ZDHHC15: variants seen among roughly 807,000 people sequenced by gnomAD.
ZDHHC15 encodes palmitoyltransferase ZDHHC15.
In ZDHHC15, 19 loss-of-function variants were observed where a neutral mutation model predicts 31.7. The observed-to-expected ratio is 0.60, with a 90% CI of 0.42 to 0.88. ZDHHC15 has a LOEUF of 0.88. ZDHHC15 is among the 40% of genes least tolerant of loss of function. ZDHHC15 has a pLI of 0.00. For synonymous variants in ZDHHC15, 103 were observed against 90.0 expected, an observed-to-expected ratio of 1.14 and a Z score of -0.82; for missense variants, 209 against 251.2, an observed-to-expected ratio of 0.83 and a Z score of 1.14.
At chrX:75,391,940 CAT>C (rs2083248315) in intron 10 of ZDHHC15, among the ~76,000 whole-genome samples, 1 of 111,562 alleles carries the variant, frequency 9.0e-6, no homozygotes, top group Admixed American at 9.5e-5. Flanking sequence ...TACAAATAGA[CAT>C]AAAAAAATTA....
rs2084567188 is a variant in ZDHHC15, at chrX:75,474,579, C to CTCTTTATATATATATATAATCCCCTTT, written c.258+4311_258+4312insAAAGGGGATTATATATATATATAAAGA. On this transcript the variant is annotated intron_variant, in intron 3 of 11. Coordinates refer to ENST00000373367, the MANE Select transcript of ZDHHC15 (RefSeq NM_144969.3). ...ATATATATAATCCCCTTTATACACA[C>CTCTTTATATATATATATAATCCCCTTT]ACACACACACACACACACACACACA... 5.0e-4 allele frequency among the ~76,000 whole-genome samples: 4 copies of CTCTTTATATATATATATAATCCCCTTT among 8,009 alleles called. No homozygotes were observed. The Non-Finnish European group carries it at 6.0e-3, about 12-fold the overall frequency. The allele number at this position is 8,009 out of a possible 115,157, so 7.0% of individuals were successfully genotyped here.
chrX:75,384,223 A>G, intron 10 of ZDHHC15: 2 of 463,326 alleles, frequency 4.3e-6, no homozygotes, highest in South Asian at 6.3e-5. Flanking sequence ...TCAAAAGTAT[A>G]CAACTCATGT....
At chrX:75,438,852 A>G (rs1182730857) in intron 4 of ZDHHC15, among the ~76,000 whole-genome samples, 1 of 112,132 alleles carries the variant, frequency 8.9e-6, no homozygotes, top group Non-Finnish European at 1.9e-5. Context: ...CTGCCTTGGT[A>G]ATGGTAAATT....
intron 1 of ZDHHC15, among the ~76,000 whole-genome samples, chrX:75,508,464 A>G (rs1241082431): frequency 9.2e-6 from 1 of 108,476 alleles, no homozygotes; most frequent in Non-Finnish European, 1.9e-5. Flanking sequence ...ATGTCCCTAC[A>G]AAGGACATGA....
At chrX:75,440,253 G>A (rs1303816476) in intron 4 of ZDHHC15, among the ~76,000 whole-genome samples, 1 of 96,587 alleles carries the variant, frequency 1.0e-5, no homozygotes, top group South Asian at 5.5e-4. Flanking sequence ...CTTGGAGCAG[G>A]GTTGTTCTTT....
chrX:75,379,655 T>C (rs1416387798), intron 10 of ZDHHC15, among the ~76,000 whole-genome samples: 1 of 112,262 alleles, frequency 8.9e-6, no homozygotes, highest in Non-Finnish European at 1.9e-5. Context: ...AGCAACATCA[T>C]TTATGGTACA....
Position 75,369,557 on chromosome X carries a change from G to A in ZDHHC15, c.*3421C>T, listed in dbSNP as rs1207178724. ...CAATGTCTATACTTTGTGCAATTTG[G>A]TATAAACATGGAGTGCATTCTTTAC... On this transcript the variant is annotated 3_prime_UTR_variant, in exon 12 of 12. Coordinates refer to ENST00000373367, the MANE Select transcript of ZDHHC15 (RefSeq NM_144969.3). 1 of 111,640 alleles carries A rather than the reference G, an allele frequency of 9.0e-6. No individual in the cohort carries two copies. The highest frequency in any genetic ancestry group is 3.3e-5 in the African/African-American group (1 of 30,657). 9.2% of individuals were successfully genotyped at this position (111,640 alleles called of 1,213,427 possible). A position where few individuals can be genotyped will look rare whatever the true frequency, so the allele number is the denominator to read the frequency against.
At chrX:75,454,144 C>T (rs1351575029) in intron 3 of ZDHHC15, among the ~76,000 whole-genome samples, 1 of 111,722 alleles carries the variant, frequency 9.0e-6, no homozygotes, top group Admixed American at 9.5e-5. Context: ...AAAACCCCAT[C>T]GTCTCAGCCC....
At chrX:75,374,291 G>C (rs1225461448) in intron 11 of ZDHHC15, among the ~76,000 whole-genome samples, 3 of 109,569 alleles carry the variant, frequency 2.7e-5, no homozygotes, top group Admixed American at 9.8e-5. Flanking sequence ...GATATACCAC[G>C]GGTTGATGGG....
In ZDHHC15 at chrX:75,407,636, G is replaced by A. The variant is rs757241508; in HGVS notation, c.967+9451C>T. Among the ~76,000 whole-genome samples, 402 of 106,747 alleles carry A rather than the reference G, an allele frequency of 3.8e-3. 3 individuals carry two copies. The highest frequency in any genetic ancestry group is 0.013 in the African/African-American group (382 of 29,260). The allele number at this position is 106,747 out of a possible 115,157, so 92.7% of individuals were successfully genotyped here. ...GCAGCCGCCCCGTCTGGGAGGTGGG[G>A]GGCGCCTCTGCCTGGCCACCCCATC... On this transcript the variant is annotated intron_variant, in intron 10 of 11. Transcript: ENST00000373367.
chrX:75,502,959 T>G (rs2085109195), intron 2 of ZDHHC15, among the ~76,000 whole-genome samples: 1 of 110,977 alleles, frequency 9.0e-6, no homozygotes, highest in Non-Finnish European at 1.9e-5. Context: ...GTCAATATTT[T>G]ACTGTATATT....
intron 8 of ZDHHC15, among the ~76,000 whole-genome samples, chrX:75,423,949 C>T (rs768740733): frequency 6.3e-5 from 7 of 111,327 alleles, no homozygotes; most frequent in African/African-American, 2.3e-4. Context: ...TCCTCATGTA[C>T]TGATTTGTAC....
intron 2 of ZDHHC15, among the ~76,000 whole-genome samples, chrX:75,484,271 A>G (rs1422606471): frequency 9.0e-6 from 1 of 111,713 alleles, no homozygotes; most frequent in African/African-American, 3.3e-5. Flanking sequence ...ACTCCCTTCC[A>G]TTGATTGTAA....
At chrX:75,486,464 G>A (rs921156236) in intron 2 of ZDHHC15, among the ~76,000 whole-genome samples, 3 of 112,303 alleles carry the variant, frequency 2.7e-5, no homozygotes, top group African/African-American at 9.7e-5. Context: ...AACCTGGTAG[G>A]GGGAAGTGAT....
chrX:75,440,348 C>T (rs1031900237), intron 4 of ZDHHC15, among the ~76,000 whole-genome samples: 4 of 110,659 alleles, frequency 3.6e-5, no homozygotes, highest in South Asian at 7.8e-4. Context: ...GGCACGATCT[C>T]GGCTCAATGC....
At chrX:75,396,698 A>G (rs1198337890) in intron 10 of ZDHHC15, among the ~76,000 whole-genome samples, 1 of 112,010 alleles carries the variant, frequency 8.9e-6, no homozygotes, top group Non-Finnish European at 1.9e-5. Flanking sequence ...TCCTATGTTT[A>G]TTGGAGCACA....
chrX:75,384,485 C>T (rs2083158502), intron 10 of ZDHHC15: 3 of 730,701 alleles, frequency 4.1e-6, no homozygotes, highest in East Asian at 6.4e-5. Flanking sequence ...GGAATGGGTA[C>T]TGTTCAAAAA....
rs769727547 is a variant in ZDHHC15, at chrX:75,407,687, G to A, written c.967+9400C>T. On this transcript the variant is annotated intron_variant, in intron 10 of 11. Coordinates refer to ENST00000373367, the MANE Select transcript of ZDHHC15 (RefSeq NM_144969.3). ...TGGGAAGTGAGGAGCCCCTCTGCCCGGCCGCCACCCCATCTGGGAGGTGTG... is the reference window on the plus strand; with the variant it reads ...TGGGAAGTGAGGAGCCCCTCTGCCCAGCCGCCACCCCATCTGGGAGGTGTG... 9.3e-3 allele frequency among the ~76,000 whole-genome samples: 1,055 copies of A among 113,067 alleles called. 9 individuals carry two copies. Among genetic ancestry groups the A allele is most frequent in the Non-Finnish European group, 0.015 (779 of 53,257 alleles).
intron 1 of ZDHHC15, among the ~76,000 whole-genome samples, chrX:75,509,072 A>T (rs942074874): frequency 9.0e-6 from 1 of 111,395 alleles, no homozygotes; most frequent in Non-Finnish European, 1.9e-5. Flanking sequence ...AAACCCTAGA[A>T]TAAAACCTAG....
Sources: allele counts gnomAD v4.1 joint callset (sites outside exome capture counted in the v4.1 genomes callset), GRCh38; gene constraint gnomAD v4.1.1; transcripts MANE v1.5; gene names NCBI Gene and HGNC (gene_info 2026-07-23, HGNC 2026-07-21).